Variants in MIOS observed in about 807,000 individuals in gnomAD.
MIOS encodes the protein GATOR2 complex protein MIOS.
MIOS carries 52 observed loss-of-function variants against 96.9 expected under a neutral mutation model. The observed-to-expected ratio is 0.54, with a 90% CI of 0.43 to 0.68. MIOS has a LOEUF of 0.68. Among genes scored for constraint, MIOS ranks in the 30% least tolerant of loss-of-function variants. The pLI is 0.00. For missense variants in MIOS, 1,005 were observed against 1,052.8 expected (o/e 0.95, Z 0.63); for synonymous variants, 397 against 359.5 (o/e 1.10, Z -1.18).
At chr7:7,591,035 AAAG>A (rs1208051896) in intron 9 of MIOS, among the ~76,000 whole-genome samples, 1 of 152,222 alleles carries the variant, frequency 6.6e-6, no homozygotes, top group African/African-American at 2.4e-5. Context: ...TAAATTATGA[AAAG>A]AAAACATGGG....
In MIOS at chr7:7,593,897, A is replaced by AAAAAG. The variant is rs1491145017; in HGVS notation, c.2044-1073_2044-1069dup. Reference sequence around the variant, plus strand: ...CTGTCTCCAAAAAAAAAAAAAAAAGAAAAAGAAAAGAAAAAAAGAAAACCT... The same window carrying AAAAAG: ...CTGTCTCCAAAAAAAAAAAAAAAAGAAAAAGAAAAGAAAAGAAAAAAAGAAAACCT... On this transcript the variant is annotated intron_variant, in intron 9 of 12. Coordinates refer to ENST00000340080, the MANE Select transcript of MIOS (RefSeq NM_019005.4). Among the ~76,000 whole-genome samples, 282 of 92,872 alleles carry AAAAAG rather than the reference A, an allele frequency of 3.0e-3. 2 individuals carry two copies. The highest frequency in any genetic ancestry group is 0.012 in the African/African-American group (260 of 22,168). The allele number at this position is 92,872 out of a possible 152,430, so 60.9% of individuals were successfully genotyped here. A position where few individuals can be genotyped will look rare whatever the true frequency, so the allele number is the denominator to read the frequency against.
chr7:7,579,636 G>T lies in MIOS; in HGVS notation c.1394-3482G>T, dbSNP rs114454324. Among the ~76,000 whole-genome samples the T allele has an allele frequency of 6.7e-3, 1,025 of 152,224 alleles. 11 individuals carry two copies. Among genetic ancestry groups the T allele is most frequent in the African/African-American group, 0.024 (982 of 41,532 alleles). ...CCACACATAAAATACACTAAGAATA[G>T]CTGATGAGCTAAAAAATAAAAAAGT... On this transcript the variant is annotated intron_variant, in intron 5 of 12. Transcript: ENST00000340080.
intron 11 of MIOS, among the ~76,000 whole-genome samples, chr7:7,601,359 A>C (rs993534712): frequency 6.6e-6 from 1 of 152,124 alleles, no homozygotes; most frequent in African/African-American, 2.4e-5. Flanking sequence ...AGAAAAATCA[A>C]ATAGACGCAA....
At chr7:7,579,507 C>A (rs534034585) in intron 5 of MIOS, among the ~76,000 whole-genome samples, 147 of 152,220 alleles carry the variant, frequency 9.7e-4, no homozygotes, top group African/African-American at 3.4e-3. Flanking sequence ...CAAATACTTA[C>A]CATTGTGTTA....
At chr7:7,600,950 C>T (rs1205046927) in intron 11 of MIOS, among the ~76,000 whole-genome samples, 5 of 152,134 alleles carry the variant, frequency 3.3e-5, no homozygotes, top group African/African-American at 7.2e-5. Flanking sequence ...AACTGAACAA[C>T]GTGCTCCTGA....
At chr7:7,594,349 C>T (rs1038171254) in intron 9 of MIOS, among the ~76,000 whole-genome samples, 1 of 151,514 alleles carries the variant, frequency 6.6e-6, no homozygotes, top group Non-Finnish European at 1.5e-5. Flanking sequence ...TTCTGTCACC[C>T]AGACTACAGT....
intron 10 of MIOS, 145 bp from the exon 11 acceptor site, chr7:7,596,112 T>C: frequency 1.6e-6 from 1 of 625,708 alleles, no homozygotes; most frequent in Non-Finnish European, 2.5e-6. Context: ...AAATGAAAGC[T>C]AGTCAACCTT....
intron 6 of MIOS, among the ~76,000 whole-genome samples, chr7:7,584,696 AAGATT>A (rs1349726404): frequency 1.3e-5 from 2 of 152,296 alleles, no homozygotes; most frequent in Admixed American, 6.5e-5. Context: ...AAGAAAGAAA[AAGATT>A]AGAATCAAGA....
At chr7:7,576,425 T>A (rs1783536009) in intron 5 of MIOS, among the ~76,000 whole-genome samples, 1 of 152,118 alleles carries the variant, frequency 6.6e-6, no homozygotes, top group African/African-American at 2.4e-5. Context: ...AGACAGTTAA[T>A]TACAGGAAGG....
At chr7:7,579,040 C>T (rs975103428) in intron 5 of MIOS, among the ~76,000 whole-genome samples, 4 of 152,168 alleles carry the variant, frequency 2.6e-5, no homozygotes, top group Admixed American at 1.3e-4. Context: ...TTTAAATAAA[C>T]TTGTTTTCCT....
rs1361433081 is a variant in MIOS, at chr7:7,573,809, AG to A, written c.1294+41del. The A allele has an allele frequency of 6.6e-7, 1 of 1,522,202 alleles. No homozygotes were observed. The highest frequency in any genetic ancestry group is 1.4e-5 in the African/African-American group (1 of 71,844). 94.3% of individuals were successfully genotyped at this position (1,522,202 alleles called of 1,614,324 possible). A position where few individuals can be genotyped will look rare whatever the true frequency, so the allele number is the denominator to read the frequency against. The stretch of plus-strand genomic sequence containing the variant: ...GTGAATTTTGTGAGGTGAATCAGGT[AG>A]AAATGTTCTTGAAGTTTGCCAAAAG... On this transcript the variant is annotated intron_variant, in intron 4 of 12. Coordinates refer to ENST00000340080, the MANE Select transcript of MIOS (RefSeq NM_019005.4). This position sits in a 1 kb window ranked among gnomAD's most constrained non-coding sequence, Gnocchi z 5.0.
At position 7,595,147 on chromosome 7, in the gene MIOS, T is replaced by C. The variant is rs201802676; in HGVS notation, c.2196+15T>C. 8 of 1,596,228 alleles carry C rather than the reference T, an allele frequency of 5.0e-6. No homozygotes were observed. Among genetic ancestry groups the C allele is most frequent in the African/African-American group, 2.7e-5 (2 of 73,682 alleles). ...CTTTAGCACAAGTAAGTACATTGTT[T>C]TGGAGAAAATCAAATTGTAACATGT... On this transcript the variant is annotated intron_variant, in intron 10 of 12. Transcript: ENST00000340080.
chr7:7,593,854 G>C (rs1406377518), intron 9 of MIOS, among the ~76,000 whole-genome samples: 1 of 141,524 alleles, frequency 7.1e-6, no homozygotes, highest in Non-Finnish European at 1.5e-5. Context: ...GCTCCAGCCT[G>C]GCCGACAGAG....
chr7:7,573,080 C>G lies in MIOS; in HGVS notation c.605C>G (p.Ala202Gly), dbSNP rs780877408. The G allele has an allele frequency of 6.2e-7, 1 of 1,614,076 alleles. No homozygotes were observed. The highest frequency in any genetic ancestry group is 1.1e-5 in the South Asian group (1 of 91,078). ...CCACGAGACCAGAAACTTCTCCTTG[C>G]TGGTATGCATCGTAACCTAGCTATA... ...WLPRDQKLLL[A>G]GMHRNLAIFD... is the part of the protein sequence containing the mutation. Residue 202 changes from alanine to glycine, a missense_variant, in exon 4 of 13, where the codon GCT becomes GGT. By Grantham distance (60) the Ala-to-Gly change is moderately conservative. Coordinates refer to ENST00000340080, the MANE Select transcript of MIOS (RefSeq NM_019005.4). The surrounding 1 kb of genome is among the most constrained non-coding windows in gnomAD (Gnocchi z 5.0).
At chr7:7,606,922 A>T (rs1017454503) in intron 12 of MIOS, 74 bp from the exon 13 acceptor site, 3 of 1,216,100 alleles carry the variant, frequency 2.5e-6, no homozygotes, top group Non-Finnish European at 3.5e-6. Flanking sequence ...CCTGTCTCTT[A>T]AAAAATAAAT....
intron 11 of MIOS, chr7:7,605,393 T>G (rs1784499997): frequency 6.6e-6 from 1 of 152,126 alleles, no homozygotes; most frequent in Non-Finnish European, 1.5e-5. Flanking sequence ...TCCCCAGATT[T>G]AAGCAATTCT....
chr7:7,576,177 T>C (rs1356856059), intron 5 of MIOS, among the ~76,000 whole-genome samples: 1 of 152,182 alleles, frequency 6.6e-6, no homozygotes, highest in Non-Finnish European at 1.5e-5. Flanking sequence ...CATGTTACTT[T>C]AATTTTTACA....
At chr7:7,585,942 G>A in intron 7 of MIOS, 137 bp downstream of exon 7, 1 of 771,056 alleles carries the variant, frequency 1.3e-6, no homozygotes, top group Non-Finnish European at 1.9e-6. Flanking sequence ...AGGCATCTTG[G>A]GCTTTTTTTT....
At chr7:7,606,383 T>C (rs570457250) in intron 12 of MIOS, among the ~76,000 whole-genome samples, 1 of 152,346 alleles carries the variant, frequency 6.6e-6, no homozygotes, top group South Asian at 2.1e-4. Context: ...TTCTGTAATT[T>C]ACCATGCAAT....
Sources: gnomAD v4.1 joint callset for allele counts (sites outside exome capture counted in the v4.1 genomes callset) on GRCh38, gnomAD v4.1.1 for gene constraint, Gnocchi (gnomAD v3.1) non-coding constraint, MANE v1.5 for transcripts, NCBI Gene and HGNC (gene_info 2026-07-23, HGNC 2026-07-21) for gene names.